DAB1: variants seen among roughly 807,000 people sequenced by gnomAD.
DAB1 encodes the protein disabled homolog 1.
A neutral mutation model predicts 64.6 loss-of-function variants in DAB1; 15 were observed. The ratio of observed to expected loss-of-function variants is 0.23; its 90% confidence interval spans 0.16 to 0.36. The LOEUF is 0.36. Among genes scored for constraint, DAB1 ranks in the 10% least tolerant of loss-of-function variants. DAB1 has a pLI of 1.00. For synonymous variants in DAB1, 235 were observed against 251.9 expected (o/e 0.93, Z 0.64); for missense variants, 596 against 706.7 (o/e 0.84, Z 1.78).
chr1:58,379,207 C>G (rs531262467), intron 3 of DAB1, among the ~76,000 whole-genome samples: 5 of 151,872 alleles, frequency 3.3e-5, no homozygotes, highest in Admixed American at 2.6e-4. Context: ...CTCCTCCCCC[C>G]CAGCTTACTA....
chr1:57,962,295 AATAAAC>A (rs1385342200), intron 5 of DAB1, among the ~76,000 whole-genome samples: 3 of 152,166 alleles, frequency 2.0e-5, no homozygotes, highest in Admixed American at 2.0e-4. Context: ...ATAACTTCTC[AATAAAC>A]ATTAGTCATC....
intron 4 of DAB1, among the ~76,000 whole-genome samples, chr1:58,292,069 C>G (rs369991863): frequency 5.6e-4 from 85 of 152,236 alleles, no homozygotes; most frequent in African/African-American, 2.0e-3. Context: ...TTTTTTCTGA[C>G]TCAGTGCTTG....
At chr1:57,046,768 G>T (rs1648550041) in intron 9 of DAB1, among the ~76,000 whole-genome samples, 1 of 152,236 alleles carries the variant, frequency 6.6e-6, no homozygotes, top group South Asian at 2.1e-4. Context: ...TACCAAAGGA[G>T]CAAGCATGCA....
intron 11 of DAB1, among the ~76,000 whole-genome samples, chr1:57,017,715 G>A (rs1421051303): frequency 6.6e-6 from 1 of 151,376 alleles, no homozygotes; most frequent in African/African-American, 2.5e-5. Context: ...AGACCACTTT[G>A]TCCAACTGCA....
At chr1:57,304,762 C>T (rs569859304) in intron 1 of DAB1, among the ~76,000 whole-genome samples, 1 of 152,272 alleles carries the variant, frequency 6.6e-6, no homozygotes, top group East Asian at 1.9e-4. Context: ...TATTTATTTG[C>T]TATACCATAT....
At chr1:57,324,000 G>GA (rs1265767311) in intron 1 of DAB1, among the ~76,000 whole-genome samples, 2 of 152,114 alleles carry the variant, frequency 1.3e-5, no homozygotes, top group African/African-American at 2.4e-5. Flanking sequence ...GCATGGAGGA[G>GA]AAAAAAGTTA....
intron 1 of DAB1, among the ~76,000 whole-genome samples, chr1:57,303,896 T>C (rs766066015): frequency 4.6e-5 from 7 of 152,164 alleles, no homozygotes; most frequent in African/African-American, 7.2e-5. Flanking sequence ...AACTCCCCCC[T>C]GCCTTACTGC....
intron 3 of DAB1, among the ~76,000 whole-genome samples, chr1:58,493,443 AG>A (rs1481952888): frequency 4.6e-5 from 7 of 151,946 alleles, no homozygotes; most frequent in African/African-American, 1.7e-4. Flanking sequence ...AAAGAAATAA[AG>A]GGTATTCAAT....
chr1:57,729,513 G>A (rs1647321158), intron 6 of DAB1, among the ~76,000 whole-genome samples: 1 of 152,208 alleles, frequency 6.6e-6, no homozygotes, highest in Non-Finnish European at 1.5e-5. Context: ...CACTGGTAGG[G>A]GGAGAACTGA....
Position 57,595,009 on chromosome 1 carries a change from C to T in DAB1, n.625+54583G>A, listed in dbSNP as rs1017996808. Among the ~76,000 whole-genome samples, 5 of 152,154 alleles carry T rather than the reference C, an allele frequency of 3.3e-5. No homozygotes were observed. The South Asian group carries it at 6.2e-4, about 19-fold the overall frequency. On this transcript the variant is annotated intron_variant and non_coding_transcript_variant, in intron 7 of 20. Coordinates refer to the DAB1 transcript ENST00000485760. ...ACAGGCGTGAGCCACCACACCTGGCCGGAAAAATCACAATTCTAACACAAT... is the reference window on the plus strand; with the variant it reads ...ACAGGCGTGAGCCACCACACCTGGCTGGAAAAATCACAATTCTAACACAAT...
chr1:58,281,860 G>A (rs1242237923), intron 4 of DAB1, among the ~76,000 whole-genome samples: 1 of 152,124 alleles, frequency 6.6e-6, no homozygotes, highest in African/African-American at 2.4e-5. Flanking sequence ...TTAGAACAAT[G>A]ACTGGGACAT....
chr1:57,577,177 G>A (rs947242), intron 7 of DAB1, among the ~76,000 whole-genome samples: 133,280 of 152,164 alleles, frequency 0.88, 60,033 homozygotes, highest in East Asian at 1. Flanking sequence ...GATAATTTTT[G>A]CTATTACACG....
intron 7 of DAB1, among the ~76,000 whole-genome samples, chr1:57,622,905 G>C (rs1386762026): frequency 1.3e-5 from 2 of 152,098 alleles, no homozygotes; most frequent in African/African-American, 2.4e-5. Context: ...GATCCTACAA[G>C]GTCCTCCTAA....
intron 1 of DAB1, among the ~76,000 whole-genome samples, chr1:57,836,281 G>C (rs1423708336): frequency 6.6e-6 from 1 of 152,180 alleles, no homozygotes; most frequent in Non-Finnish European, 1.5e-5. Flanking sequence ...CTAATCTGAG[G>C]TAAAGAAAGG....
At chr1:57,165,578 C>T (rs1661149424) in intron 2 of DAB1, among the ~76,000 whole-genome samples, 1 of 152,184 alleles carries the variant, frequency 6.6e-6, no homozygotes. Flanking sequence ...GTTCCAGATA[C>T]AGTGATAAAC....
At chr1:57,072,201 G>C in intron 5 of DAB1, 82 bp downstream of exon 5, 1 of 1,458,810 alleles carries the variant, frequency 6.9e-7, no homozygotes, top group Non-Finnish European at 9.5e-7. Context: ...TCTGAGAGTG[G>C]GCCCTCAAAG....
intron 2 of DAB1, among the ~76,000 whole-genome samples, chr1:57,284,598 C>T (rs1386797155): frequency 6.6e-6 from 1 of 152,164 alleles, no homozygotes; most frequent in African/African-American, 2.4e-5. Context: ...TCTTGATTGA[C>T]CCCAGGCTGC....
chr1:57,726,909 C>T (rs1161825550), intron 6 of DAB1, among the ~76,000 whole-genome samples: 1 of 152,128 alleles, frequency 6.6e-6, no homozygotes, highest in Non-Finnish European at 1.5e-5. Flanking sequence ...TAAGGAAAAC[C>T]AGGGCTAAAA....
intron 5 of DAB1, among the ~76,000 whole-genome samples, chr1:57,936,003 A>C (rs1645019552): frequency 6.6e-6 from 1 of 152,236 alleles, no homozygotes; most frequent in Admixed American, 6.5e-5. Flanking sequence ...TCTATCCTGA[A>C]GTGTGACCTT....
Sources: gnomAD v4.1 joint callset for allele counts (sites outside exome capture counted in the v4.1 genomes callset) on GRCh38, gnomAD v4.1.1 for gene constraint, MANE v1.5 for transcripts, NCBI Gene and HGNC (gene_info 2026-07-23, HGNC 2026-07-21) for gene names.